Variants in PRKN observed in about 807,000 individuals in gnomAD.
PRKN encodes the protein parkin RBR E3 ubiquitin protein ligase, also known as E3 ubiquitin-protein ligase parkin.
A neutral mutation model predicts 59.5 loss-of-function variants in PRKN; 56 were observed. That is an observed-to-expected ratio of 0.94 (90% CI 0.76 to 1.18). PRKN has a LOEUF of 1.18. Among genes scored for constraint, PRKN ranks in the 50% most tolerant of loss-of-function variants. PRKN has a pLI of 0.00. For missense variants in PRKN, 657 were observed against 596.4 expected (o/e 1.10, Z -1.06); for synonymous variants, 250 against 222.1 (o/e 1.13, Z -1.12).
rs1242245891 is a variant in PRKN at position 161,454,527 on chromosome 6, A to C, written c.1084-67650T>G. 6.6e-6 allele frequency among the ~76,000 whole-genome samples: 1 copy of C among 152,190 alleles called. No individual in the cohort carries two copies. The highest frequency in any genetic ancestry group is 1.9e-4 in the East Asian group (1 of 5,192). ...GGTCTATGCTTTTGGTGTGCTCTCT[A>C]ACTCAATGATAATGATAGTCATGGA... is the stretch of plus-strand genomic sequence containing the variant. On this transcript the variant is annotated intron_variant, in intron 9 of 11. Transcript: ENST00000366898. The surrounding 1 kb of genome is among the most constrained non-coding windows in gnomAD (Gnocchi z 4.6).
intron 4 of PRKN, among the ~76,000 whole-genome samples, chr6:162,104,422 A>G (rs1396758659): frequency 6.6e-6 from 1 of 152,204 alleles, no homozygotes; most frequent in Non-Finnish European, 1.5e-5. Context: ...AACAAGCAGG[A>G]ATCATCTGAT....
At chr6:161,858,858 C>CTTGTTTTTTTTTTTTTT (rs1793765234) in intron 6 of PRKN, among the ~76,000 whole-genome samples, 2 of 71,934 alleles carry the variant, frequency 2.8e-5, no homozygotes, top group Non-Finnish European at 5.4e-5. Flanking sequence ...CACAGCTGTA[C>CTTGTTTTTTTTTTTTTT]TTTTTTTTTT....
At chr6:162,037,316 T>G (rs1294295394) in intron 5 of PRKN, among the ~76,000 whole-genome samples, 1 of 152,228 alleles carries the variant, frequency 6.6e-6, no homozygotes, top group Non-Finnish European at 1.5e-5. Flanking sequence ...AATGTGCTCA[T>G]AGAGACCTGT....
intron 5 of PRKN, among the ~76,000 whole-genome samples, chr6:162,036,805 A>G (rs1783868038): frequency 6.6e-6 from 1 of 152,218 alleles, no homozygotes; most frequent in South Asian, 2.1e-4. Context: ...GTCATAAGAA[A>G]CAAACTATAA....
intron 6 of PRKN, among the ~76,000 whole-genome samples, chr6:161,805,492 A>G (rs1452697803): frequency 8.6e-6 from 1 of 116,824 alleles, no homozygotes; most frequent in African/African-American, 2.9e-5. Context: ...GCATGTACAC[A>G]CACATGTACA....
chr6:162,328,314 C>T (rs954922926), intron 2 of PRKN, among the ~76,000 whole-genome samples: 3 of 152,102 alleles, frequency 2.0e-5, no homozygotes, highest in Admixed American at 6.5e-5. Flanking sequence ...TGCAGCGAGC[C>T]GAGATCGCAC....
At chr6:162,696,637 T>A (rs1176399861) in intron 1 of PRKN, among the ~76,000 whole-genome samples, 2 of 145,902 alleles carry the variant, frequency 1.4e-5, no homozygotes, top group Non-Finnish European at 3.0e-5. Flanking sequence ...CAATCTTGGC[T>A]CACTGCACTC....
intron 5 of PRKN, among the ~76,000 whole-genome samples, chr6:162,038,809 G>A (rs954815893): frequency 6.6e-6 from 1 of 152,004 alleles, no homozygotes; most frequent in Non-Finnish European, 1.5e-5. Flanking sequence ...TCAATGCCTT[G>A]GGCATGACCA....
chr6:162,634,599 C>G lies in PRKN; in HGVS notation c.7+93063G>C, dbSNP rs565670506. Among the ~76,000 whole-genome samples, 15 of 152,298 alleles carry G rather than the reference C, an allele frequency of 9.8e-5. No homozygotes were observed. The South Asian group carries it at 3.1e-3, about 32-fold the overall frequency. ...CCAGCCACTAGTGCAATGGCTGACACGAGAAGAGTGATGGACATTTGCTGT... is the reference window on the plus strand; with the variant it reads ...CCAGCCACTAGTGCAATGGCTGACAGGAGAAGAGTGATGGACATTTGCTGT... On this transcript the variant is annotated intron_variant, in intron 1 of 11. Coordinates refer to ENST00000366898, the MANE Select transcript of PRKN (RefSeq NM_004562.3).
At chr6:162,058,180 C>T (rs1777942523) in intron 4 of PRKN, among the ~76,000 whole-genome samples, 1 of 152,174 alleles carries the variant, frequency 6.6e-6, no homozygotes, top group African/African-American at 2.4e-5. Flanking sequence ...ATAATACACA[C>T]TTCGTTTACC....
intron 7 of PRKN, among the ~76,000 whole-genome samples, chr6:161,759,709 G>C (rs933911989): frequency 6.6e-6 from 1 of 152,176 alleles, no homozygotes; most frequent in Non-Finnish European, 1.5e-5. Flanking sequence ...CTTCCACGCA[G>C]TTTTCCCATT....
chr6:161,894,178 G>A (rs1312465691), intron 6 of PRKN, among the ~76,000 whole-genome samples: 4 of 151,912 alleles, frequency 2.6e-5, no homozygotes, highest in Admixed American at 2.6e-4. Flanking sequence ...CAACCCCTTC[G>A]ACCTACCAAC....
intron 2 of PRKN, among the ~76,000 whole-genome samples, chr6:162,340,719 T>A (rs1043976086): frequency 3.9e-5 from 6 of 152,194 alleles, no homozygotes; most frequent in Non-Finnish European, 7.3e-5. Context: ...GAAAACTGGC[T>A]AGCCATATGC....
intron 2 of PRKN, among the ~76,000 whole-genome samples, chr6:162,439,842 A>C (rs1222403796): frequency 6.6e-6 from 1 of 152,202 alleles, no homozygotes; most frequent in Non-Finnish European, 1.5e-5. Context: ...TACATATTAC[A>C]TATGAAAAAT....
intron 3 of PRKN, among the ~76,000 whole-genome samples, chr6:162,248,328 T>C (rs911723915): frequency 2.2e-4 from 34 of 152,194 alleles, no homozygotes; most frequent in Admixed American, 1.8e-3. Context: ...TCTTATAAAA[T>C]AGTCATACAC....
chr6:161,896,312 T>C (rs1777624494), intron 6 of PRKN, among the ~76,000 whole-genome samples: 1 of 152,214 alleles, frequency 6.6e-6, no homozygotes, highest in Non-Finnish European at 1.5e-5. Flanking sequence ...TTGGGGCTCA[T>C]GCCTAAAAAT....
intron 1 of PRKN, among the ~76,000 whole-genome samples, chr6:162,520,956 T>G (rs2128193493): frequency 6.6e-6 from 1 of 152,318 alleles, no homozygotes; most frequent in African/African-American, 2.4e-5. Context: ...CCTAGAAAAC[T>G]ACTATTTGCA....
At chr6:162,349,703 C>A (rs946438414) in intron 2 of PRKN, among the ~76,000 whole-genome samples, 1 of 152,060 alleles carries the variant, frequency 6.6e-6, no homozygotes, top group Admixed American at 6.5e-5. Context: ...CTTCCTTGCC[C>A]TGATAAAGAG....
chr6:162,170,163 T>A (rs1411499445), intron 4 of PRKN, among the ~76,000 whole-genome samples: 1 of 152,208 alleles, frequency 6.6e-6, no homozygotes, highest in Non-Finnish European at 1.5e-5. Context: ...TTACTCTCTG[T>A]CTCCATACCC....
Sources: gnomAD v4.1 joint callset for allele counts (sites outside exome capture counted in the v4.1 genomes callset) on GRCh38, gnomAD v4.1.1 for gene constraint, Gnocchi (gnomAD v3.1) non-coding constraint, MANE v1.5 for transcripts, NCBI Gene and HGNC (gene_info 2026-07-23, HGNC 2026-07-21) for gene names.